Variants in JMY observed in about 807,000 individuals in gnomAD.
The protein encoded by JMY is junction mediating and regulatory protein, p53 cofactor, also known as junction-mediating and -regulatory protein.
A neutral mutation model predicts 103.3 loss-of-function variants in JMY; 46 were observed. The ratio of observed to expected loss-of-function variants is 0.45; its 90% CI spans 0.35 to 0.57. The LOEUF (loss-of-function observed/expected upper bound fraction) is 0.57, where lower values mean the gene tolerates loss of function less well. JMY is among the 20% of genes least tolerant of loss of function. The probability of loss-of-function intolerance (pLI) is 0.00; values close to 1 mark genes in which losing one functional copy is unlikely to be tolerated. For missense variants in JMY, 1,238 were observed against 1,255.2 expected (o/e 0.99, Z 0.21); for synonymous variants, 526 against 489.3 (o/e 1.07, Z -0.99).
chr5:79,292,558 C>G (rs1746453787), intron 4 of JMY, among the ~76,000 whole-genome samples: 1 of 152,148 alleles, frequency 6.6e-6, no homozygotes, highest in South Asian at 2.1e-4. Flanking sequence ...TGGGCTCAAG[C>G]AGTCCTTCTG....
chr5:79,293,226 G>A (rs2112100482), intron 4 of JMY, among the ~76,000 whole-genome samples: 1 of 152,112 alleles, frequency 6.6e-6, no homozygotes, highest in East Asian at 1.9e-4. Flanking sequence ...AAGTATTTCA[G>A]AATATTTGCC....
intron 6 of JMY, 57 bp from the exon 7 acceptor site, chr5:79,306,318 G>A: frequency 8.4e-7 from 1 of 1,188,056 alleles, no homozygotes; most frequent in Non-Finnish European, 1.3e-6. Context: ...ACCTTGGTGT[G>A]GTGTTCAGAG....
At chr5:79,268,767 C>G (rs554754593) in intron 1 of JMY, among the ~76,000 whole-genome samples, 17 of 152,288 alleles carry the variant, frequency 1.1e-4, no homozygotes, top group Admixed American at 9.8e-4. Context: ...GGATTACAGG[C>G]GTGAGCCACC....
At chr5:79,319,860 G>A (rs1346877953) in intron 10 of JMY, among the ~76,000 whole-genome samples, 1 of 152,142 alleles carries the variant, frequency 6.6e-6, no homozygotes, top group Non-Finnish European at 1.5e-5. Context: ...GATTACAGGT[G>A]TGAGCCACTG....
At chr5:79,318,530 C>T (rs112192319) in intron 10 of JMY, among the ~76,000 whole-genome samples, 26 of 152,070 alleles carry the variant, frequency 1.7e-4, no homozygotes, top group Non-Finnish European at 3.2e-4. Flanking sequence ...AGTACCTCTC[C>T]ACCAGCATCT....
chr5:79,263,226 T>C (rs1054454028), intron 1 of JMY, among the ~76,000 whole-genome samples: 1 of 152,184 alleles, frequency 6.6e-6, no homozygotes, highest in African/African-American at 2.4e-5. Context: ...CTTCTTTGTA[T>C]GTACATATTC....
chr5:79,276,275 C>T (rs1253144198), intron 1 of JMY, among the ~76,000 whole-genome samples: 3 of 151,750 alleles, frequency 2.0e-5, no homozygotes, highest in Admixed American at 6.6e-5. Flanking sequence ...TGTGCCACCA[C>T]GCCTGGCTGA....
At chr5:79,279,302 C>G (rs1231607472) in intron 2 of JMY, among the ~76,000 whole-genome samples, 1 of 152,122 alleles carries the variant, frequency 6.6e-6, no homozygotes, top group Non-Finnish European at 1.5e-5. Flanking sequence ...CCACTGCACT[C>G]CAGCCTGGGC....
intron 7 of JMY, among the ~76,000 whole-genome samples, chr5:79,311,014 A>G (rs182191695): frequency 1.4e-4 from 22 of 152,268 alleles, no homozygotes; most frequent in Non-Finnish European, 2.4e-4. Context: ...TCTTGGGCAC[A>G]TGCTAACTTA....
intron 1 of JMY, among the ~76,000 whole-genome samples, chr5:79,254,103 C>A (rs1052104232): frequency 3.5e-5 from 5 of 142,480 alleles, no homozygotes; most frequent in African/African-American, 1.0e-4. Flanking sequence ...CCCACCACCA[C>A]GCCCAGCTAT....
intron 1 of JMY, among the ~76,000 whole-genome samples, chr5:79,270,701 A>G (rs1323140929): frequency 6.8e-6 from 1 of 146,716 alleles, no homozygotes; most frequent in Non-Finnish European, 1.5e-5. Flanking sequence ...ATATTTATAT[A>G]TTATATATTT....
chr5:79,250,650 CTTTTTTTTTT>C (rs200738584), intron 1 of JMY, among the ~76,000 whole-genome samples: 4,860 of 122,742 alleles, frequency 0.04, 284 homozygotes, highest in African/African-American at 0.13. Context: ...AATTATTTTT[CTTTTTTTTTT>C]TTTTTTTTGG....
At chr5:79,282,156 G>A (rs968489236) in intron 2 of JMY, among the ~76,000 whole-genome samples, 2 of 152,046 alleles carry the variant, frequency 1.3e-5, no homozygotes, top group Non-Finnish European at 2.9e-5. Context: ...GCAGTGAGCC[G>A]AGATCATGCC....
intron 4 of JMY, among the ~76,000 whole-genome samples, chr5:79,291,722 A>G (rs893849589): frequency 1.3e-5 from 2 of 152,292 alleles, no homozygotes; most frequent in Admixed American, 6.5e-5. Flanking sequence ...TTTTATTCCT[A>G]CTGGAACACA....
At chr5:79,274,345 T>C (rs888956951) in intron 1 of JMY, among the ~76,000 whole-genome samples, 1 of 152,200 alleles carries the variant, frequency 6.6e-6, no homozygotes, top group Admixed American at 6.5e-5. Context: ...TAAATCCATA[T>C]CTGTTTCATC....
intron 1 of JMY, among the ~76,000 whole-genome samples, chr5:79,246,342 T>G (rs181898099): frequency 1.5e-3 from 232 of 152,330 alleles, no homozygotes; most frequent in African/African-American, 5.1e-3. Context: ...TAACAAGTTT[T>G]CAATAACTGC....
At chr5:79,280,503 A>G (rs1746074426) in intron 2 of JMY, among the ~76,000 whole-genome samples, 2 of 152,304 alleles carry the variant, frequency 1.3e-5, no homozygotes, top group South Asian at 4.1e-4. Flanking sequence ...TAAAAATGGT[A>G]TTTCACTGCA....
chr5:79,313,727 TA>T (rs1468603934), intron 8 of JMY, among the ~76,000 whole-genome samples: 3 of 152,258 alleles, frequency 2.0e-5, no homozygotes, highest in East Asian at 3.8e-4. Flanking sequence ...AATCTTTTTT[TA>T]ATCATAATTT....
intron 4 of JMY, among the ~76,000 whole-genome samples, chr5:79,299,023 C>G (rs956808093): frequency 6.6e-6 from 1 of 152,152 alleles, no homozygotes; most frequent in Non-Finnish European, 1.5e-5. Context: ...CTTTGGTATT[C>G]TGGGACCCCA....
Sources: allele counts gnomAD v4.1 joint callset (sites outside exome capture counted in the v4.1 genomes callset), GRCh38; gene constraint gnomAD v4.1.1; transcripts MANE v1.5; gene names NCBI Gene and HGNC (gene_info 2026-07-23, HGNC 2026-07-21).